The following ABR variants were observed in gnomAD, a reference collection of about 807,000 sequenced individuals.
ABR encodes the protein ABR activator of RhoGEF and GTPase, also known as active breakpoint cluster region-related protein.
ABR carries 35 observed loss-of-function variants against 107.2 expected under a neutral mutation model. The observed-to-expected ratio is 0.33, with a 90% CI of 0.25 to 0.43. ABR has a LOEUF of 0.43. Among genes scored for constraint, ABR ranks in the 20% least tolerant of loss-of-function variants. The probability of loss-of-function intolerance (pLI) is 1.00; values close to 1 mark genes in which losing one functional copy is unlikely to be tolerated. For missense variants in ABR, 815 were observed against 1,115.2 expected (o/e 0.73, Z 3.83); for synonymous variants, 498 against 462.0 (o/e 1.08, Z -1.00).
intron 1 of ABR, among the ~76,000 whole-genome samples, chr17:1,161,398 C>T (rs1481930395): frequency 7.8e-6 from 1 of 128,406 alleles, no homozygotes; most frequent in Non-Finnish European, 1.6e-5. Context: ...CATTCCACCA[C>T]ACCTGGCTAA....
rs1005921226 is a variant in ABR at position 1,092,095 on chromosome 17, C to T, written c.346-245G>A. The stretch of plus-strand genomic sequence containing the variant: ...CCAGGCCCGAGGGGTGGTGCCTGGG[C>T]TCACTCCCCTACCACGCAGCTGAGC... On this transcript the variant is annotated intron_variant, in intron 3 of 22. Transcript: ENST00000302538. The surrounding 1 kb of genome is among the most constrained non-coding windows in gnomAD (Gnocchi z 4.6). Among the ~76,000 whole-genome samples the T allele has an allele frequency of 2.6e-5, 4 of 152,112 alleles. No homozygotes were observed. Among genetic ancestry groups the T allele is most frequent in the Non-Finnish European group, 5.9e-5 (4 of 68,000 alleles).
At chr17:1,098,126 G>A (rs1026552461) in intron 3 of ABR, among the ~76,000 whole-genome samples, 1 of 149,718 alleles carries the variant, frequency 6.7e-6, no homozygotes, top group African/African-American at 2.5e-5. Flanking sequence ...AGGCTGGAGT[G>A]CAGTGGCGCA....
Position 1,226,779 on chromosome 17 carries a change from AGT to A in ABR, c.838+2012_838+2013del, listed in dbSNP as rs1307896576. 4.0e-5 allele frequency among the ~76,000 whole-genome samples: 6 copies of A among 149,124 alleles called. No homozygotes were observed. The East Asian group carries it at 1.2e-3, about 30-fold the overall frequency. On this transcript the variant is annotated intron_variant, in intron 1 of 22. Transcript: ENST00000574139. ...GTGCGTGTGTGTGCATGCATGTGAC[AGT>A]GTACCATGTGTATACGTGTGCAGGT...
intron 2 of ABR, among the ~76,000 whole-genome samples, chr17:1,113,119 C>G (rs974593157): frequency 3.9e-5 from 6 of 152,178 alleles, no homozygotes; most frequent in Admixed American, 1.3e-4. Flanking sequence ...TGCCTACCCT[C>G]GCGGAGCTGA....
intron 4 of ABR, among the ~76,000 whole-genome samples, chr17:1,086,727 C>G (rs35359504): frequency 0.4 from 60,905 of 152,014 alleles, 13,970 homozygotes; most frequent in South Asian, 0.57. Context: ...TCTTGAACTC[C>G]TGACCTCAGG....
chr17:1,030,277 T>C lies in ABR; in HGVS notation c.1792-17113A>G, dbSNP rs969948993. On this transcript the variant is annotated intron_variant, in intron 16 of 22. Transcript: ENST00000302538. ...CCAGGCACCTCCTCAAAGGGGCAGG[T>C]AAACTGGAAGCGCCCTGTTTGGCTG... Among the ~76,000 whole-genome samples, 8 of 152,182 alleles carry C rather than the reference T, an allele frequency of 5.3e-5. No individual in the cohort carries two copies. The East Asian group carries it at 1.5e-3, about 29-fold the overall frequency.
chr17:1,215,901 T>G (rs1370845017), intron 1 of ABR, among the ~76,000 whole-genome samples: 4 of 96,150 alleles, frequency 4.2e-5, no homozygotes, highest in Non-Finnish European at 8.7e-5. Context: ...CTCTGAAACA[T>G]GTGCTGTGTC....
chr17:1,112,448 A>G (rs376999026), intron 2 of ABR, among the ~76,000 whole-genome samples: 29 of 152,352 alleles, frequency 1.9e-4, no homozygotes, highest in Admixed American at 2.0e-4. Flanking sequence ...AAGCAGCTTC[A>G]GCAACCCGGT....
intron 2 of ABR, among the ~76,000 whole-genome samples, chr17:1,121,081 T>C (rs1214066919): frequency 1.3e-5 from 2 of 152,258 alleles, no homozygotes; most frequent in African/African-American, 4.8e-5. Flanking sequence ...TCTGTGGGCC[T>C]GGCCCTGCCG....
At chr17:1,060,375 A>G (rs918300795) in intron 10 of ABR, among the ~76,000 whole-genome samples, 5 of 152,094 alleles carry the variant, frequency 3.3e-5, no homozygotes, top group African/African-American at 1.2e-4. Flanking sequence ...TCACCAGTGC[A>G]CTCCAGCCTG....
Position 1,078,743 on chromosome 17 carries a change from T to C in ABR, c.700+587A>G, listed in dbSNP as rs1286091869. On this transcript the variant is annotated intron_variant, in intron 6 of 22. Coordinates refer to ENST00000302538, the MANE Select transcript of ABR (RefSeq NM_021962.5). The surrounding 1 kb of genome is among the most constrained non-coding windows in gnomAD (Gnocchi z 7.5). ...CGGCCCTCTAACCTCCCCGGCCACA[T>C]CTAAGCCCACTCCAGCCGGCCCCCA... 36 of 1,488,826 alleles carry C rather than the reference T, an allele frequency of 2.4e-5. No individual in the cohort carries two copies. Among genetic ancestry groups the C allele is most frequent in the Non-Finnish European group, 3.1e-5 (34 of 1,106,514 alleles). 92.2% of individuals were successfully genotyped at this position (1,488,826 alleles called of 1,614,324 possible).
Position 1,058,846 on chromosome 17 carries a change from G to T in ABR, c.1204C>A (p.Arg402=). 6.2e-7 allele frequency: 1 copy of T among 1,614,152 alleles called. No homozygotes were observed. Among genetic ancestry groups the T allele is most frequent in the Non-Finnish European group, 8.5e-7 (1 of 1,180,030 alleles). Residue 402 remains arginine (R), a synonymous_variant, in exon 11 of 23, where the codon CGG becomes AGG. Coordinates refer to ENST00000302538, the MANE Select transcript of ABR (RefSeq NM_021962.5). ...QKEKANKGQS[R]AIERLKKKMF... is the part of the protein sequence containing the mutation. Reference sequence around the variant, plus strand: ...TTCTTCTTCAGGCGCTCGATGGCCCGGCTCTGGCCTTTGTTGGCTTTCTGC... The same window carrying T: ...TTCTTCTTCAGGCGCTCGATGGCCCTGCTCTGGCCTTTGTTGGCTTTCTGC...
intron 16 of ABR, among the ~76,000 whole-genome samples, chr17:1,021,449 G>T (rs550845476): frequency 6.6e-6 from 1 of 152,244 alleles, no homozygotes; most frequent in Non-Finnish European, 1.5e-5. Flanking sequence ...CACCCTCTGA[G>T]CCCCGGCATC....
At chr17:1,049,595 C>G (rs368469660) in intron 16 of ABR, among the ~76,000 whole-genome samples, 6 of 152,172 alleles carry the variant, frequency 3.9e-5, no homozygotes, top group Non-Finnish European at 7.3e-5. Flanking sequence ...CCCCTCCCCC[C>G]AAGCCAACCA....
At chr17:1,073,956 C>G (rs971621411) in intron 6 of ABR, among the ~76,000 whole-genome samples, 1 of 140,518 alleles carries the variant, frequency 7.1e-6, no homozygotes, top group Admixed American at 7.0e-5. Flanking sequence ...CCCCGCCCCC[C>G]TCCCCAGGCC....
At position 1,071,244 on chromosome 17, in the gene ABR, G is replaced by C. The variant is rs752388718; in HGVS notation, c.895-1154C>G. 6.6e-6 allele frequency among the ~76,000 whole-genome samples: 1 copy of C among 152,098 alleles called. No homozygotes were observed. Among genetic ancestry groups the C allele is most frequent in the Non-Finnish European group, 1.5e-5 (1 of 68,002 alleles). On this transcript the variant is annotated intron_variant, in intron 8 of 22. Transcript: ENST00000302538. This position sits in a 1 kb window ranked among gnomAD's most constrained non-coding sequence, Gnocchi z 5.1. ...ATATCCCCAGAGTAAAACAGACGAC[G>C]GGATCCCCAGACGCTGCACATCAGC...
chr17:1,204,889 CTTTTT>C (rs2042757607), intron 1 of ABR, among the ~76,000 whole-genome samples: 1 of 126,746 alleles, frequency 7.9e-6, no homozygotes, highest in Non-Finnish European at 1.6e-5. Flanking sequence ...TTTTTCTTTT[CTTTTT>C]CTTTTTCTTT....
rs753979500 is a variant in ABR at position 1,193,513 on chromosome 17, G to A, written c.838+35280C>T. 7.9e-5 allele frequency among the ~76,000 whole-genome samples: 12 copies of A among 152,182 alleles called. 1 individual carries two copies. Among genetic ancestry groups the A allele is most frequent in the African/African-American group, 2.6e-4 (11 of 41,532 alleles). ...GAGTGACAGAGCCAAGTTCTCACTC[G>A]GGTCTGGCTCGGTCCAGAGCAATTG... On this transcript the variant is annotated intron_variant, in intron 1 of 22. Coordinates refer to the ABR transcript ENST00000574139.
At chr17:1,109,031 T>C in intron 2 of ABR, 1 of 1,599,054 alleles carries the variant, frequency 6.3e-7, no homozygotes, top group Non-Finnish European at 8.5e-7. Flanking sequence ...CTCCAGAACC[T>C]TGTCCAGCAA....
Sources: allele counts gnomAD v4.1 joint callset (sites outside exome capture counted in the v4.1 genomes callset), GRCh38; gene constraint gnomAD v4.1.1; non-coding constraint Gnocchi (gnomAD v3.1); transcripts MANE v1.5; gene names NCBI Gene and HGNC (gene_info 2026-07-23, HGNC 2026-07-21).